HEATR4: variants seen among roughly 807,000 people sequenced by gnomAD.
The protein encoded by HEATR4 is HEAT repeat-containing protein 4.
Under a neutral mutation model 108.8 loss-of-function variants are expected in HEATR4, and 95 were observed. That is an observed-to-expected ratio of 0.87 (90% CI 0.74 to 1.04). HEATR4 has a LOEUF of 1.04. HEATR4 is among the 50% of genes least tolerant of loss of function. The pLI is 0.00. For missense variants in HEATR4, 1,152 were observed against 1,253.8 expected (o/e 0.92, Z 1.23); for synonymous variants, 443 against 459.4 (o/e 0.96, Z 0.46).
the HEATR4 span, among the ~76,000 whole-genome samples, chr14:73,570,643 G>A: frequency 6.6e-4 from 100 of 152,056 alleles, 1 homozygote; most frequent in African/African-American, 2.2e-3. Flanking sequence ...GGTGGCTAAC[G>A]CCTGTAATCC....
Position 73,492,036 on chromosome 14 carries a change from A to C in HEATR4, c.2844+1030T>G, listed in dbSNP as rs768512571. The C allele has an allele frequency of 6.2e-7, 1 of 1,613,952 alleles. No homozygotes were observed. Among genetic ancestry groups the C allele is most frequent in the Non-Finnish European group, 8.5e-7 (1 of 1,179,888 alleles). On this transcript the variant is annotated intron_variant, in intron 17 of 17. Transcript: ENST00000553558. The surrounding 1 kb of genome is among the most constrained non-coding windows in gnomAD (Gnocchi z 4.9). ...CCTAACTCGCAGGGCTTTGCCCCCCACTACGACGACATCGAGGCCTTCGTG... is the reference window on the plus strand; with the variant it reads ...CCTAACTCGCAGGGCTTTGCCCCCCCCTACGACGACATCGAGGCCTTCGTG...
the HEATR4 span, chr14:73,612,435 G>A: frequency 5.6e-6 from 3 of 539,314 alleles, no homozygotes; most frequent in Non-Finnish European, 8.6e-6. Flanking sequence ...CAGCGGCCTG[G>A]AGCCTGTCCC....
At chr14:73,617,277 A>T in the HEATR4 span, 1 of 1,560,004 alleles carries the variant, frequency 6.4e-7, no homozygotes, top group Non-Finnish European at 8.8e-7. Flanking sequence ...CAGAACACTG[A>T]GAACTAGAAA....
Position 73,556,721 on chromosome 14 carries a change from G to C in HEATR4, c.-152+2030C>G, listed in dbSNP as rs566951968. On this transcript the variant is annotated intron_variant, in intron 1 of 17. Coordinates refer to ENST00000553558, the MANE Select transcript of HEATR4 (RefSeq NM_001220484.1). ...TGAGTCTGATACCTGTTCTAATTTA[G>C]TGTTGATTGATATGAACCTCAAAAT... Among the ~76,000 whole-genome samples, 2 of 114,654 alleles carry C rather than the reference G, an allele frequency of 1.7e-5. 1 individual carries two copies. The highest frequency in any genetic ancestry group is 2.0e-4 in the Admixed American group (2 of 10,096). The allele number at this position is 114,654 out of a possible 152,430, so 75.2% of individuals were successfully genotyped here. A position where few individuals can be genotyped will look rare whatever the true frequency, so the allele number is the denominator to read the frequency against.
the HEATR4 span, chr14:73,595,128 A>G: frequency 1.9e-6 from 3 of 1,614,218 alleles, no homozygotes; most frequent in Non-Finnish European, 1.7e-6. Context: ...TTCTTGAAGA[A>G]TGTCTCAGCC....
At chr14:73,612,949 G>A in the HEATR4 span, 3 of 1,275,068 alleles carry the variant, frequency 2.4e-6, no homozygotes, top group Non-Finnish European at 2.1e-6. Flanking sequence ...CGCAGAACAA[G>A]CGCGACTTTC....
chr14:73,499,107 C>G lies in HEATR4; in HGVS notation c.2320G>C (p.Asp774His). The G allele has an allele frequency of 6.2e-7, 1 of 1,614,140 alleles. No homozygotes were observed. The highest frequency in any genetic ancestry group is 8.5e-7 in the Non-Finnish European group (1 of 1,180,014). Residue 774 changes from aspartate to histidine, a missense_variant, in exon 13 of 18, where the codon GAT becomes CAT. Asp to His is a moderately conservative substitution (Grantham distance 81). Coordinates refer to ENST00000553558, the MANE Select transcript of HEATR4 (RefSeq NM_001220484.1). ...LECLLNLMQR[D>H]PYWKIKAFAI... is the part of the protein sequence containing the mutation. ...AAGGCCTTGATTTTCCAGTAAGGAT[C>G]TCTCTGCATCAGGTTCAGGAGGCAT...
In HEATR4 at chr14:73,548,669, T is replaced by C. The variant is rs1161182135; in HGVS notation, c.-152+10082A>G. 2.6e-5 allele frequency among the ~76,000 whole-genome samples: 3 copies of C among 115,328 alleles called. 1 individual carries two copies. The highest frequency in any genetic ancestry group is 5.7e-5 in the Non-Finnish European group (3 of 52,818). The allele number at this position is 115,328 out of a possible 152,430, so 75.7% of individuals were successfully genotyped here. On this transcript the variant is annotated intron_variant, in intron 1 of 17. Coordinates refer to ENST00000553558, the MANE Select transcript of HEATR4 (RefSeq NM_001220484.1). ...ATTTCAAGATGAAAGGAAACTCATATGCAGATGGTCTCAGAGTTCTATCTT... is the reference window on the plus strand; with the variant it reads ...ATTTCAAGATGAAAGGAAACTCATACGCAGATGGTCTCAGAGTTCTATCTT...
At chr14:73,602,877 T>G in the HEATR4 span, among the ~76,000 whole-genome samples, 1 of 152,198 alleles carries the variant, frequency 6.6e-6, no homozygotes, top group Non-Finnish European at 1.5e-5. Flanking sequence ...GCATCTCAAA[T>G]TTAGAGATGA....
At chr14:73,491,355 G>C in intron 17 of HEATR4, 1 of 1,428,404 alleles carries the variant, frequency 7.0e-7, no homozygotes, top group African/African-American at 1.5e-5. Context: ...CCCGCCGCGC[G>C]CTCCCTGCAG....
chr14:73,615,197 C>T, the HEATR4 span, among the ~76,000 whole-genome samples: 3 of 150,458 alleles, frequency 2.0e-5, no homozygotes, highest in Non-Finnish European at 4.4e-5. Context: ...ACCAGCCTGG[C>T]CAAGATGGTG....
Position 73,508,136 on chromosome 14 carries a change from T to G in HEATR4, c.1879A>C (p.Thr627Pro), listed in dbSNP as rs753680279. Reference protein sequence around the residue: ...YILLSYLSEKTTLIHTMLAVE... With the variant: ...YILLSYLSEKPTLIHTMLAVE... ...CTGACCCGGTAATGGACACATACTG[T>G]CTTCTCACTCAGATAGCTCAGGAGG... The change falls in exon 9 of 18, where the codon ACA becomes CCA. Residue 627 changes from threonine to proline, a missense_variant and splice_region_variant. Thr to Pro is a conservative substitution (Grantham distance 38). Transcript: ENST00000553558. The G allele has an allele frequency of 6.2e-7, 1 of 1,613,968 alleles. No individual in the cohort carries two copies. The highest frequency in any genetic ancestry group is 8.5e-7 in the Non-Finnish European group (1 of 1,179,828).
rs1259928434 is a variant in HEATR4, at chr14:73,528,370, C to T, written c.-73+1796G>A. Among the ~76,000 whole-genome samples the T allele has an allele frequency of 6.3e-5, 7 of 111,828 alleles. No individual in the cohort carries two copies. In the South Asian group the frequency reaches 9.2e-4, roughly 15 times the overall value. 73.4% of individuals were successfully genotyped at this position (111,828 alleles called of 152,430 possible). ...TCGCGCCACTGGACTCCAGCCTGGACGACAAGAGCGAAACTTCATCTCAAA... is the reference window on the plus strand; with the variant it reads ...TCGCGCCACTGGACTCCAGCCTGGATGACAAGAGCGAAACTTCATCTCAAA... On this transcript the variant is annotated intron_variant, in intron 2 of 17. Coordinates refer to ENST00000553558, the MANE Select transcript of HEATR4 (RefSeq NM_001220484.1).
the HEATR4 span, among the ~76,000 whole-genome samples, chr14:73,628,254 A>G: frequency 6.6e-6 from 1 of 152,234 alleles, no homozygotes; most frequent in African/African-American, 2.4e-5. Context: ...TGTATGTCAC[A>G]AAACAAGATT....
chr14:73,575,482 G>C, the HEATR4 span: 1 of 1,499,472 alleles, frequency 6.7e-7, no homozygotes, highest in East Asian at 2.4e-5. Context: ...CACTTGGGTG[G>C]CCACGAGGGG....
chr14:73,626,171 G>A, the HEATR4 span, among the ~76,000 whole-genome samples: 3 of 152,350 alleles, frequency 2.0e-5, no homozygotes, highest in East Asian at 1.9e-4. Context: ...AACAGCAGGG[G>A]TGTCCAATCT....
the HEATR4 span, among the ~76,000 whole-genome samples, chr14:73,627,665 A>G: frequency 2.0e-5 from 3 of 152,202 alleles, no homozygotes; most frequent in African/African-American, 7.2e-5. Context: ...TCAGCTATCC[A>G]GAAGATCTCT....
chr14:73,558,995 T>G (rs1256919617), upstream of HEATR4: 1 of 151,960 alleles, frequency 6.6e-6, no homozygotes, highest in African/African-American at 2.4e-5. Flanking sequence ...TAGAATTCCA[T>G]GAGTCTACTC....
chr14:73,625,457 G>A, the HEATR4 span, among the ~76,000 whole-genome samples: 2 of 152,032 alleles, frequency 1.3e-5, no homozygotes, highest in African/African-American at 4.8e-5. Context: ...CGCCTCCCAG[G>A]TTCAAGCAAT....
Sources: gnomAD v4.1 joint callset for allele counts (sites outside exome capture counted in the v4.1 genomes callset) on GRCh38, gnomAD v4.1.1 for gene constraint, Gnocchi (gnomAD v3.1) non-coding constraint, MANE v1.5 for transcripts, NCBI Gene and HGNC (gene_info 2026-07-23, HGNC 2026-07-21) for gene names.